The following GTPBP2 variants were observed in gnomAD, a reference collection of about 807,000 sequenced individuals.
The protein encoded by GTPBP2 is GTP binding protein 2.
GTPBP2 carries 32 observed loss-of-function variants against 63.0 expected under a neutral mutation model. The ratio of observed to expected loss-of-function variants is 0.51; its 90% confidence interval spans 0.38 to 0.68. The LOEUF (loss-of-function observed/expected upper bound fraction) is 0.68. GTPBP2 is among the 30% of genes least tolerant of loss of function. The probability of loss-of-function intolerance (pLI) is 0.00; values close to 1 mark genes in which losing one functional copy is unlikely to be tolerated. For synonymous variants in GTPBP2, 310 were observed against 322.6 expected (o/e 0.96, Z 0.42); for missense variants, 492 against 796.9 (o/e 0.62, Z 4.61).
rs1768702033 is a variant in GTPBP2 at position 43,621,320 on chromosome 6, G to A, written c.*294C>T. 1.0e-6 allele frequency: 1 copy of A among 959,494 alleles called. No individual in the cohort carries two copies. The highest frequency in any genetic ancestry group is 1.6e-6 in the Non-Finnish European group (1 of 644,778). The allele number at this position is 959,494 out of a possible 1,614,324, so 59.4% of individuals were successfully genotyped here. On this transcript the variant is annotated 3_prime_UTR_variant, in exon 12 of 12. Transcript: ENST00000307126. ...AGTGGGGACGAAGAATTGATGAGTG[G>A]ATCCAGTCAGCTCCGGCAGACAGGC...
chr6:43,630,968 C>T (rs1406022099), upstream of GTPBP2, among the ~76,000 whole-genome samples: 1 of 151,008 alleles, frequency 6.6e-6, no homozygotes, highest in Admixed American at 6.6e-5. Context: ...TCTCTCCAGA[C>T]CTCAGTTGTC....
rs1768866424 is a variant in GTPBP2, at chr6:43,622,564, C to T, written c.1467+69G>A. The T allele has an allele frequency of 4.9e-6, 7 of 1,416,730 alleles. No homozygotes were observed. In the Admixed American group the frequency reaches 1.3e-4, roughly 26 times the overall value. The allele number at this position is 1,416,730 out of a possible 1,614,324, so 87.8% of individuals were successfully genotyped here. ...TTCTCTGAAGCACCTTAGATAGGTG[C>T]TCATTCAGTAGCCAGTCTCCTAGGC... On this transcript the variant is annotated intron_variant, in intron 10 of 11. Transcript: ENST00000307126. This position sits in a 1 kb window ranked among gnomAD's most constrained non-coding sequence, Gnocchi z 5.4.
Position 43,625,099 on chromosome 6 carries a change from A to G in GTPBP2, c.706-37T>C. 1 of 1,601,326 alleles carries G rather than the reference A, an allele frequency of 6.2e-7. No homozygotes were observed. Among genetic ancestry groups the G allele is most frequent in the Non-Finnish European group, 8.5e-7 (1 of 1,171,518 alleles). ...CCCAGGGCCCTCAGTGCCTCCTGCC[A>G]GCCCTTCCAACCCCTTCAGAGTTGC... On this transcript the variant is annotated intron_variant, in intron 5 of 11. Coordinates refer to ENST00000307126, the MANE Select transcript of GTPBP2 (RefSeq NM_019096.5). This position sits in a 1 kb window ranked among gnomAD's most constrained non-coding sequence, Gnocchi z 5.1.
chr6:43,624,019 G>A lies in GTPBP2; in HGVS notation c.1150C>T (p.Leu384Phe), dbSNP rs745312503. The A allele has an allele frequency of 1.2e-6, 2 of 1,613,492 alleles. No homozygotes were observed. Among genetic ancestry groups the A allele is most frequent in the African/African-American group, 1.3e-5 (1 of 75,014 alleles). Residue 384 changes from leucine (L) to phenylalanine (F), a missense_variant, in exon 8 of 12, where the codon CTC becomes TTC. Physicochemically the swap from Leu to Phe is conservative, Grantham distance 22 (BLOSUM62 0). Transcript: ENST00000307126. This position sits in a 1 kb window ranked among gnomAD's most constrained non-coding sequence, Gnocchi z 5.1. The part of the protein sequence containing the change: ...LSSVSGESLD[L>F]LKVFLNILPP... ...AGAATATTCAGAAAGACTTTGAGGAGGTCCAGACTCTCTCCAGACACACTG... is the reference window on the plus strand; with the variant it reads ...AGAATATTCAGAAAGACTTTGAGGAAGTCCAGACTCTCTCCAGACACACTG...
upstream of GTPBP2, chr6:43,629,652 G>C: frequency 7.6e-7 from 1 of 1,324,436 alleles, no homozygotes; most frequent in Non-Finnish European, 1.1e-6. Flanking sequence ...CTTTAGCGCG[G>C]ATCCTAGACA....
chr6:43,630,604 G>C (rs934601848), upstream of GTPBP2, among the ~76,000 whole-genome samples: 12 of 152,156 alleles, frequency 7.9e-5, no homozygotes, highest in Non-Finnish European at 1.8e-4. Flanking sequence ...TTAGCTGGGC[G>C]TGGTGGCGCA....
In GTPBP2 at chr6:43,624,766, G is replaced by A; in HGVS notation, c.881-37C>T. The A allele has an allele frequency of 6.3e-7, 1 of 1,599,834 alleles. No homozygotes were observed. The highest frequency in any genetic ancestry group is 8.6e-7 in the Non-Finnish European group (1 of 1,167,740). On this transcript the variant is annotated intron_variant, in intron 6 of 11. Transcript: ENST00000307126. The surrounding 1 kb of genome is among the most constrained non-coding windows in gnomAD (Gnocchi z 5.1). ...GGACAGCAAGCAGCAGGAGAGAAGAGTGAGAATGCAGGAGGGAGGAGAGGG... is the reference window on the plus strand; with the variant it reads ...GGACAGCAAGCAGCAGGAGAGAAGAATGAGAATGCAGGAGGGAGGAGAGGG...
At chr6:43,623,612 T>C in intron 9 of GTPBP2, 125 bp downstream of exon 9, 1 of 747,062 alleles carries the variant, frequency 1.3e-6, no homozygotes, top group Non-Finnish European at 2.4e-6. Flanking sequence ...GAAAGCCTAA[T>C]CTGCAAATAA....
chr6:43,629,722 C>T, upstream of GTPBP2: 1 of 1,551,112 alleles, frequency 6.4e-7, no homozygotes, highest in African/African-American at 1.4e-5. Flanking sequence ...AGCCTGCTGG[C>T]TCCGCCTCTG....
upstream of GTPBP2, among the ~76,000 whole-genome samples, chr6:43,630,919 A>AG (rs1769882879): frequency 6.6e-6 from 1 of 151,312 alleles, no homozygotes; most frequent in African/African-American, 2.4e-5. Flanking sequence ...AAAAAAAAAA[A>AG]AAAAAAAAAA....
intron 1 of GTPBP2, 34 bp downstream of exon 1, chr6:43,628,943 C>T (rs903203674): frequency 6.2e-7 from 1 of 1,604,326 alleles, no homozygotes; most frequent in Non-Finnish European, 8.5e-7. Context: ...GAAAGAGTGG[C>T]TTCTTCCCGC....
At chr6:43,621,937 G>A (rs1048630331) in intron 11 of GTPBP2, 66 bp downstream of exon 11, 11 of 1,601,082 alleles carry the variant, frequency 6.9e-6, no homozygotes, top group Non-Finnish European at 9.4e-6. Context: ...GGAGTTCTCT[G>A]CCAGTCTGGG....
At position 43,626,010 on chromosome 6, in the gene GTPBP2, C is replaced by T; in HGVS notation, c.399-146G>A. 2.7e-6 allele frequency: 2 copies of T among 738,880 alleles called. No homozygotes were observed. The allele number at this position is 738,880 out of a possible 1,614,324, so 45.8% of individuals were successfully genotyped here. On this transcript the variant is annotated intron_variant, in intron 3 of 11. Coordinates refer to ENST00000307126, the MANE Select transcript of GTPBP2 (RefSeq NM_019096.5). The surrounding 1 kb of genome is among the most constrained non-coding windows in gnomAD (Gnocchi z 4.0). ...ACCACCCTCCAATCTATTCCTCATT[C>T]ACAGTTCCCTTTAAAACAAATATAC...
At position 43,625,792 on chromosome 6, in the gene GTPBP2, G is replaced by A. The variant is rs377567561; in HGVS notation, c.471C>T (p.Thr157=). 88 of 1,613,818 alleles carry A rather than the reference G, an allele frequency of 5.5e-5. No homozygotes were observed. The highest frequency in any genetic ancestry group is 3.8e-4 in the Admixed American group (23 of 59,998). The change falls in exon 4 of 12, where the codon ACC becomes ACT. Residue 157 remains threonine, a synonymous_variant. Transcript: ENST00000307126. This position sits in a 1 kb window ranked among gnomAD's most constrained non-coding sequence, Gnocchi z 5.1. The stretch of plus-strand genomic sequence containing the variant: ...CAGGGACCTTTCGTACTAGCACCTC[G>A]GTGATCTTCCGGGGCATGTCGCTAT... ...DYDSDMPRKI[T]EVLVRKVPDN... is the part of the protein sequence containing the mutation.
chr6:43,628,051 C>T (rs1034435658), intron 1 of GTPBP2, among the ~76,000 whole-genome samples: 1 of 152,168 alleles, frequency 6.6e-6, no homozygotes, highest in Non-Finnish European at 1.5e-5. Context: ...TCAGGCCCAT[C>T]CTCACTAGTA....
At position 43,622,776 on chromosome 6, in the gene GTPBP2, C is replaced by G; in HGVS notation, c.1324G>C (p.Val442Leu). The stretch of plus-strand genomic sequence containing the variant: ...CAGCCATCATCCGTGGGGCCCACCA[C>G]CAGCTGGTCCCCCTCACGGCAAATC... ...SGICREGDQL[V>L]VGPTDDGCFL... The change falls in exon 10 of 12, where the codon GTG (valine) becomes CTG (leucine). Residue 442 changes from valine to leucine, a missense_variant. Physicochemically the swap from Val to Leu is conservative, Grantham distance 32 (BLOSUM62 1). Around this residue, in one of 2 missense-constraint regions of GTPBP2, gnomAD observed 400 missense variants for 710.8 expected, o/e 0.56. Transcript: ENST00000307126. The surrounding 1 kb of genome is among the most constrained non-coding windows in gnomAD (Gnocchi z 5.4). 1 of 1,613,872 alleles carries G rather than the reference C, an allele frequency of 6.2e-7. No individual in the cohort carries two copies. The highest frequency in any genetic ancestry group is 8.5e-7 in the Non-Finnish European group (1 of 1,179,812).
Position 43,624,090 on chromosome 6 carries a change from G to A in GTPBP2, c.1101-22C>T. On this transcript the variant is annotated intron_variant, in intron 7 of 11. Transcript: ENST00000307126. This position sits in a 1 kb window ranked among gnomAD's most constrained non-coding sequence, Gnocchi z 5.1. ...GACACTGTAGAGGGAGGCATGGAAT[G>A]GACAGATGAAGACAGTCCAAACAGG... is the stretch of plus-strand genomic sequence containing the variant. 2 of 1,601,116 alleles carry A rather than the reference G, an allele frequency of 1.2e-6. No individual in the cohort carries two copies. Among genetic ancestry groups the A allele is most frequent in the East Asian group, 2.2e-5 (1 of 44,810 alleles).
upstream of GTPBP2, among the ~76,000 whole-genome samples, chr6:43,629,355 C>A (rs1769744126): frequency 6.6e-6 from 1 of 152,230 alleles, no homozygotes; most frequent in South Asian, 2.1e-4. Flanking sequence ...GATATAGAGT[C>A]CCCAGGCCTG....
chr6:43,625,897 A>C lies in GTPBP2; in HGVS notation c.399-33T>G. ...AGCAAGGCCACAGCTGCCATATCTC[A>C]CCTGTCCTTCTCCTATTCCAGGCTC... On this transcript the variant is annotated intron_variant, in intron 3 of 11. Transcript: ENST00000307126. This position sits in a 1 kb window ranked among gnomAD's most constrained non-coding sequence, Gnocchi z 5.1. 651 of 1,503,134 alleles carry C rather than the reference A, an allele frequency of 4.3e-4. No individual in the cohort carries two copies. The highest frequency in any genetic ancestry group is 5.6e-4 in the Non-Finnish European group (599 of 1,079,014). The allele number at this position is 1,503,134 out of a possible 1,614,324, so 93.1% of individuals were successfully genotyped here.
Sources: allele counts gnomAD v4.1 joint callset (sites outside exome capture counted in the v4.1 genomes callset), GRCh38; gene constraint gnomAD v4.1.1; regional missense constraint gnomAD v4.1.1; non-coding constraint Gnocchi (gnomAD v3.1); transcripts MANE v1.5; gene names NCBI Gene and HGNC (gene_info 2026-07-23, HGNC 2026-07-21).